The following ARHGAP26 variants were observed in gnomAD, a reference collection of about 807,000 sequenced individuals.
ARHGAP26 encodes the protein rho GTPase-activating protein 26.
ARHGAP26 carries 38 observed loss-of-function variants against 104.8 expected under a neutral mutation model. That is an observed-to-expected ratio of 0.36 (90% CI 0.28 to 0.48). ARHGAP26 has a LOEUF of 0.48. Among genes scored for constraint, ARHGAP26 ranks in the 20% least tolerant of loss-of-function variants. ARHGAP26 has a pLI of 0.99. For synonymous variants in ARHGAP26, 341 were observed against 340.0 expected (o/e 1.00, Z -0.03); for missense variants, 704 against 947.9 (o/e 0.74, Z 3.38).
At chr5:143,011,402 G>C (rs1389530973) in intron 11 of ARHGAP26, among the ~76,000 whole-genome samples, 1 of 144,104 alleles carries the variant, frequency 6.9e-6, no homozygotes, top group Non-Finnish European at 1.5e-5. Context: ...TTCAGTAATT[G>C]GAAAGTTTTA....
intron 10 of ARHGAP26, among the ~76,000 whole-genome samples, chr5:142,929,707 GT>G (rs1422955973): frequency 1.3e-5 from 2 of 152,212 alleles, no homozygotes; most frequent in Non-Finnish European, 2.9e-5. Context: ...AGCCTCTGAG[GT>G]TGTCGAACTT....
In ARHGAP26 at chr5:143,115,057, G is replaced by C. The variant is rs574238994; in HGVS notation, c.1539-5931G>C. Among the ~76,000 whole-genome samples, 12 of 152,320 alleles carry C rather than the reference G, an allele frequency of 7.9e-5. No homozygotes were observed. The South Asian group carries it at 2.1e-3, about 26-fold the overall frequency. On this transcript the variant is annotated intron_variant, in intron 17 of 22. Transcript: ENST00000645722. ...GATAGAAAATAAGTACTATAGCCAG[G>C]TGTAGTGGCTTATGCCTGTAATTCC...
chr5:143,047,168 C>T (rs1784355235), intron 14 of ARHGAP26, among the ~76,000 whole-genome samples: 1 of 152,176 alleles, frequency 6.6e-6, no homozygotes, highest in Non-Finnish European at 1.5e-5. Context: ...CTTCATCATT[C>T]TAGAAAGCAC....
intron 1 of ARHGAP26, among the ~76,000 whole-genome samples, chr5:142,806,645 T>C (rs1763044941): frequency 6.6e-6 from 1 of 152,194 alleles, no homozygotes; most frequent in Non-Finnish European, 1.5e-5. Context: ...TGTGGGCATC[T>C]AGAGTGATGC....
chr5:143,076,722 T>A (rs1259680437), intron 17 of ARHGAP26, among the ~76,000 whole-genome samples: 1 of 152,234 alleles, frequency 6.6e-6, no homozygotes, highest in Admixed American at 6.5e-5. Flanking sequence ...GGTATTTGTA[T>A]ATGTGTTGTA....
intron 20 of ARHGAP26, chr5:143,168,947 A>G (rs1242856954): frequency 6.6e-6 from 1 of 152,244 alleles, no homozygotes; most frequent in African/African-American, 2.4e-5. Context: ...TTGGATGGGT[A>G]GCATCCCTTC....
intron 22 of ARHGAP26, among the ~76,000 whole-genome samples, chr5:143,215,992 T>C (rs1810292169): frequency 6.6e-6 from 1 of 152,180 alleles, no homozygotes. Context: ...TGCAGGGTCA[T>C]ATTAATTCCG....
At chr5:142,847,998 A>G (rs1371768243) in intron 1 of ARHGAP26, among the ~76,000 whole-genome samples, 2 of 152,232 alleles carry the variant, frequency 1.3e-5, no homozygotes, top group African/African-American at 4.8e-5. Context: ...GTTCTGTCCT[A>G]GAAGAGTGCC....
chr5:143,094,789 G>A (rs923829126), intron 17 of ARHGAP26, among the ~76,000 whole-genome samples: 3 of 152,090 alleles, frequency 2.0e-5, no homozygotes, highest in Admixed American at 6.5e-5. Context: ...GAGTGGTTTG[G>A]GGGGAAAATG....
intron 11 of ARHGAP26, among the ~76,000 whole-genome samples, chr5:143,003,356 TA>T (rs1777461142): frequency 6.6e-6 from 1 of 152,192 alleles, no homozygotes; most frequent in East Asian, 1.9e-4. Context: ...GCCATAAGGA[TA>T]ATTTGCTCAT....
In ARHGAP26 at chr5:142,832,027, C is replaced by T. The variant is rs6898336; in HGVS notation, c.155-41373C>T. ...CACCCCCAAATCTTCCCTTGGCTCC[C>T]TGTTGTCTATTATGAAGACATACCA... On this transcript the variant is annotated intron_variant, in intron 1 of 22. Coordinates refer to ENST00000645722, the MANE Select transcript of ARHGAP26 (RefSeq NM_001135608.3). Among the ~76,000 whole-genome samples, 1,470 of 152,282 alleles carry T rather than the reference C, an allele frequency of 9.7e-3. 25 individuals carry two copies. The highest frequency in any genetic ancestry group is 0.034 in the African/African-American group (1,412 of 41,562).
rs879708739 is a variant in ARHGAP26, at chr5:143,058,191, C to T, written c.1538+444C>T. ...ACTCTGTTATTAACCTGCTGCTTAA[C>T]CAGCCCTGAACAAACTGCTGAACTT... On this transcript the variant is annotated intron_variant, in intron 17 of 22. Transcript: ENST00000645722. 6.0e-5 allele frequency: 25 copies of T among 413,370 alleles called. No homozygotes were observed. In the Admixed American group the frequency reaches 7.5e-4, roughly 12 times the overall value. 25.6% of individuals were successfully genotyped at this position (413,370 alleles called of 1,614,324 possible).
chr5:143,160,917 C>CAGA (rs1375895679), intron 20 of ARHGAP26, among the ~76,000 whole-genome samples: 3 of 151,850 alleles, frequency 2.0e-5, no homozygotes, highest in Non-Finnish European at 4.4e-5. Context: ...GTTGGCACAG[C>CAGA]AGAAGAAATC....
intron 5 of ARHGAP26, among the ~76,000 whole-genome samples, chr5:142,886,458 T>C (rs1259023404): frequency 2.6e-5 from 4 of 152,154 alleles, no homozygotes; most frequent in Admixed American, 6.5e-5. Flanking sequence ...GTTTTTAGAG[T>C]AGTGATAAGG....
intron 1 of ARHGAP26, among the ~76,000 whole-genome samples, chr5:142,796,019 G>T (rs1214019720): frequency 1.3e-5 from 2 of 151,226 alleles, no homozygotes; most frequent in Non-Finnish European, 2.9e-5. Context: ...GTTTTAACAT[G>T]CTGTATAATT....
At chr5:143,151,580 A>G (rs1415657214) in intron 20 of ARHGAP26, among the ~76,000 whole-genome samples, 6 of 152,210 alleles carry the variant, frequency 3.9e-5, no homozygotes, top group Admixed American at 6.5e-5. Context: ...AGACAATGCT[A>G]TATTATTCAA....
At chr5:143,058,694 A>T (rs1334404382) in intron 17 of ARHGAP26, among the ~76,000 whole-genome samples, 1 of 152,262 alleles carries the variant, frequency 6.6e-6, no homozygotes, top group East Asian at 1.9e-4. Context: ...ATAAGTTGAT[A>T]TTCTTCTGAG....
At chr5:142,786,513 G>A (rs1758659852) in intron 1 of ARHGAP26, among the ~76,000 whole-genome samples, 1 of 151,924 alleles carries the variant, frequency 6.6e-6, no homozygotes, top group Non-Finnish European at 1.5e-5. Context: ...TGCTCAGGCT[G>A]GTCTCAAATT....
intron 11 of ARHGAP26, among the ~76,000 whole-genome samples, chr5:142,988,648 A>G (rs1012567875): frequency 6.6e-6 from 1 of 152,190 alleles, no homozygotes; most frequent in Non-Finnish European, 1.5e-5. Flanking sequence ...GTTTCACTCT[A>G]CACACAGCTT....
Sources: gnomAD v4.1 joint callset for allele counts (sites outside exome capture counted in the v4.1 genomes callset) on GRCh38, gnomAD v4.1.1 for gene constraint, MANE v1.5 for transcripts, NCBI Gene and HGNC (gene_info 2026-07-23, HGNC 2026-07-21) for gene names.